The following NAALADL1 variants were observed in gnomAD, a reference collection of about 807,000 sequenced individuals.
NAALADL1 encodes the protein N-acetylated alpha-linked acidic dipeptidase like 1, also known as aminopeptidase NAALADL1.
NAALADL1 carries 77 observed loss-of-function variants against 82.8 expected under a neutral mutation model. That is an observed-to-expected ratio of 0.93 (90% CI 0.77 to 1.12). NAALADL1 has a LOEUF of 1.12. NAALADL1 is among the 50% of genes most tolerant of loss of function. NAALADL1 has a pLI of 0.00. For missense variants in NAALADL1, 956 were observed against 964.0 expected (o/e 0.99, Z 0.11); for synonymous variants, 358 against 399.2 (o/e 0.90, Z 1.23).
rs990436644 is a variant in NAALADL1 at position 65,057,455 on chromosome 11, GTCT to G, written c.516_518del (p.Glu172del). 1.2e-6 allele frequency: 2 copies of G among 1,614,078 alleles called. No individual in the cohort carries two copies. On this transcript the variant is annotated inframe_deletion, in exon 4 of 18. Coordinates refer to ENST00000358658, the MANE Select transcript of NAALADL1 (RefSeq NM_005468.3). Reference sequence around the variant, plus strand: ...TGCCCTGAGTCTGTAGCTCCTTAAAGTCTTCTTCCGCGCCCCGGTTGGCATAGA... The same window carrying G: ...TGCCCTGAGTCTGTAGCTCCTTAAAGTCTTCCGCGCCCCGGTTGGCATAGA...
chr11:65,046,555 G>T, intron 13 of NAALADL1, 29 bp from the exon 14 acceptor site: 4 of 1,609,094 alleles, frequency 2.5e-6, no homozygotes, highest in Non-Finnish European at 3.4e-6. Flanking sequence ...GAGGTGACAG[G>T]CTTGGGATGG....
chr11:65,061,145 T>C (rs935500662), upstream of NAALADL1, among the ~76,000 whole-genome samples: 1 of 152,238 alleles, frequency 6.6e-6, no homozygotes, highest in Admixed American at 6.5e-5. Flanking sequence ...TGCCCCTGGA[T>C]GTGCCTGCAG....
intron 8 of NAALADL1, chr11:65,048,596 C>T: frequency 1.7e-6 from 1 of 592,524 alleles, no homozygotes; most frequent in Non-Finnish European, 3.0e-6. Flanking sequence ...CGGGTGGTCC[C>T]TTCTACCAGA....
rs1319230956 is a variant in NAALADL1 at position 65,053,316 on chromosome 11, T to C, written c.1100A>G (p.Asn367Ser). Residue 367 changes from asparagine to serine, a missense_variant, in exon 8 of 18, where the codon AAC becomes AGC. By Grantham distance (46) the Asn-to-Ser change is conservative (BLOSUM62 1). Transcript: ENST00000358658. This position sits in a 1 kb window ranked among gnomAD's most constrained non-coding sequence, Gnocchi z 4.3. ...CCCGTGCACCCAGCTGTCTCGGTGG[T>C]TCCCATACAGCACGTAGCGATCTGG... ...VEPDRYVLYGNHRDSWVHGAV... is the reference protein window; with the variant it reads ...VEPDRYVLYGSHRDSWVHGAV... 4 of 1,567,568 alleles carry C rather than the reference T, an allele frequency of 2.6e-6. No individual in the cohort carries two copies.
chr11:65,047,858 T>C, intron 11 of NAALADL1, 120 bp from the exon 12 acceptor site: 2 of 1,465,014 alleles, frequency 1.4e-6, no homozygotes, highest in Non-Finnish European at 1.8e-6. Context: ...TGCCCCAGCC[T>C]CAGTCCAGCC....
chr11:65,048,484 G>C lies in NAALADL1; in HGVS notation c.1199-99C>G, dbSNP rs528425760. On this transcript the variant is annotated intron_variant, in intron 8 of 17. Coordinates refer to ENST00000358658, the MANE Select transcript of NAALADL1 (RefSeq NM_005468.3). ...ACGTGAGGAGGGGAGAGCGGGAAAA[G>C]GCGGGGCAGCTGGTGACAGGATGTC... 1.3e-5 allele frequency: 18 copies of C among 1,361,564 alleles called. 1 individual carries two copies. In the African/African-American group the frequency reaches 2.3e-4, roughly 17 times the overall value. 84.3% of individuals were successfully genotyped at this position (1,361,564 alleles called of 1,614,324 possible).
Position 65,054,213 on chromosome 11 carries a change from G to C in NAALADL1, c.992+37C>G. ...AAGGGGAGAGGCGAGTTGGGGGAGA[G>C]GGCAACTGAGGGAGACCTGGTCTGG... is the stretch of plus-strand genomic sequence containing the variant. On this transcript the variant is annotated intron_variant, in intron 6 of 17. Transcript: ENST00000358658. This position sits in a 1 kb window ranked among gnomAD's most constrained non-coding sequence, Gnocchi z 4.3. 1 of 1,564,128 alleles carries C rather than the reference G, an allele frequency of 6.4e-7. No homozygotes were observed. The highest frequency in any genetic ancestry group is 1.1e-5 in the South Asian group (1 of 88,304).
intron 4 of NAALADL1, among the ~76,000 whole-genome samples, chr11:65,055,885 CTT>C (rs796440563): frequency 4.4e-5 from 6 of 135,398 alleles, no homozygotes; most frequent in Non-Finnish European, 6.4e-5. Context: ...TTATGGACAC[CTT>C]TTTTTTTTTT....
chr11:65,055,296 GTGTGGTGGTACACACC>G (rs1418201004), intron 4 of NAALADL1, among the ~76,000 whole-genome samples: 1 of 152,118 alleles, frequency 6.6e-6, no homozygotes, highest in Non-Finnish European at 1.5e-5. Context: ...AATTAGCCAG[GTGTGGTGGTACACACC>G]TGTAGTCCCA....
In NAALADL1 at chr11:65,046,207, G is replaced by A. The variant is rs747094020; in HGVS notation, c.1837C>T (p.Gln613Ter). 6 of 1,614,000 alleles carry A rather than the reference G, an allele frequency of 3.7e-6. No individual in the cohort carries two copies. Among genetic ancestry groups the A allele is most frequent in the Non-Finnish European group, 2.5e-6 (3 of 1,180,030 alleles). The change falls in exon 15 of 18, where the codon CAG becomes TAG. Residue 613 changes from glutamine (Q) to a stop codon, truncating the protein, a stop_gained. Coordinates refer to ENST00000358658, the MANE Select transcript of NAALADL1 (RefSeq NM_005468.3). LOFTEE classifies it high-confidence loss of function. ...TGCATACCCAGGCTGATGCTGTGCTGCTCCAGCAGGGCCCCAAGATCTTGC... is the reference window on the plus strand; with the variant it reads ...TGCATACCCAGGCTGATGCTGTGCTACTCCAGCAGGGCCCCAAGATCTTGC... ...AQQDLGALLE[Q>*]HSISLGPLVT...
At chr11:65,049,732 TTGG>T (rs1268154127) in intron 8 of NAALADL1, among the ~76,000 whole-genome samples, 11 of 152,066 alleles carry the variant, frequency 7.2e-5, no homozygotes. Flanking sequence ...GTATCAGGGC[TTGG>T]TGGCGCACAC....
In NAALADL1 at chr11:65,053,059, C is replaced by T. The variant is rs1488959932; in HGVS notation, c.1198+159G>A. ...AACCCACAGTCTATTCCCTGTACCA[C>T]ACTGGGCTGCTGCAGGCCAAGGCTG... On this transcript the variant is annotated intron_variant, in intron 8 of 17. Coordinates refer to ENST00000358658, the MANE Select transcript of NAALADL1 (RefSeq NM_005468.3). This position sits in a 1 kb window ranked among gnomAD's most constrained non-coding sequence, Gnocchi z 4.3. Among the ~76,000 whole-genome samples, 6 of 152,256 alleles carry T rather than the reference C, an allele frequency of 3.9e-5. No individual in the cohort carries two copies. The highest frequency in any genetic ancestry group is 3.9e-4 in the Admixed American group (6 of 15,280).
At position 65,047,860 on chromosome 11, in the gene NAALADL1, A is replaced by T. The variant is rs1043561211; in HGVS notation, c.1416+121T>A. ...TCCTTACGAGGCTTGCCCCAGCCTC[A>T]GTCCAGCCCCAGCAGATCTAGAGAG... is the stretch of plus-strand genomic sequence containing the variant. On this transcript the variant is annotated intron_variant, in intron 11 of 17. Transcript: ENST00000358658. 2.7e-6 allele frequency: 4 copies of T among 1,460,980 alleles called. No individual in the cohort carries two copies. In the Admixed American group the frequency reaches 6.1e-5, roughly 22 times the overall value. 90.5% of individuals were successfully genotyped at this position (1,460,980 alleles called of 1,614,324 possible). A position where few individuals can be genotyped will look rare whatever the true frequency, so the allele number is the denominator to read the frequency against.
At chr11:65,049,609 G>A (rs1478781148) in intron 8 of NAALADL1, among the ~76,000 whole-genome samples, 1 of 152,046 alleles carries the variant, frequency 6.6e-6, no homozygotes, top group Admixed American at 6.6e-5. Context: ...AGTGGCTCAC[G>A]CCTGTAATCC....
rs1947086799 is a variant in NAALADL1 at position 65,057,875 on chromosome 11, C to A, written c.480G>T (p.Gln160His). ...YAAYAPSGTP[Q>H]GLLVYANRGA... is the part of the protein sequence containing the mutation. ...GCAGTAGGGGGGGTTCTGGGCCCAC[C>A]TGTGGGGTTCCAGAAGGAGCATAGG... The change falls in exon 3 of 18, where the codon CAG becomes CAT. Residue 160 changes from glutamine (Q) to histidine (H), a missense_variant and splice_region_variant. By Grantham distance (24) the Gln-to-His change is conservative (BLOSUM62 0). Coordinates refer to ENST00000358658, the MANE Select transcript of NAALADL1 (RefSeq NM_005468.3). 1.2e-6 allele frequency: 2 copies of A among 1,613,608 alleles called. No individual in the cohort carries two copies. The highest frequency in any genetic ancestry group is 2.7e-5 in the African/African-American group (2 of 74,890).
At chr11:65,059,462 G>A (rs750589606), upstream of NAALADL1, among the ~76,000 whole-genome samples, 1 of 152,208 alleles carries the variant, frequency 6.6e-6, no homozygotes, top group Non-Finnish European at 1.5e-5. Context: ...GGAGGACCCA[G>A]AAGAACTCTC....
At chr11:65,048,576 C>A in intron 8 of NAALADL1, 191 bp from the exon 9 acceptor site, 1 of 621,210 alleles carries the variant, frequency 1.6e-6, no homozygotes, top group Non-Finnish European at 2.8e-6. Flanking sequence ...CTCCAAGCCC[C>A]CTGAAGGGTC....
At chr11:65,058,695 C>T, upstream of NAALADL1, 2 of 625,352 alleles carry the variant, frequency 3.2e-6, no homozygotes, top group Non-Finnish European at 5.4e-6. Context: ...CCACATCCAC[C>T]ACATCCTGCA....
chr11:65,046,651 C>T, intron 13 of NAALADL1, 125 bp from the exon 14 acceptor site: 2 of 901,058 alleles, frequency 2.2e-6, no homozygotes, highest in Non-Finnish European at 3.5e-6. Flanking sequence ...GAGGTGGCTT[C>T]TAGAATTCCC....
Sources: allele counts gnomAD v4.1 joint callset (sites outside exome capture counted in the v4.1 genomes callset), GRCh38; gene constraint gnomAD v4.1.1; non-coding constraint Gnocchi (gnomAD v3.1); transcripts MANE v1.5; gene names NCBI Gene and HGNC (gene_info 2026-07-23, HGNC 2026-07-21).